SDHA: variants seen among roughly 807,000 people sequenced by gnomAD.
SDHA encodes the protein succinate dehydrogenase complex flavoprotein subunit A.
A neutral mutation model predicts 78.4 loss-of-function variants in SDHA; 48 were observed. That is an observed-to-expected ratio of 0.61 (90% CI 0.49 to 0.78). The LOEUF (loss-of-function observed/expected upper bound fraction) is 0.78. Ranked by LOEUF, SDHA falls within the 30% of genes least tolerant of loss-of-function variation. SDHA has a pLI of 0.00. For synonymous variants in SDHA, 326 were observed against 353.9 expected, an observed-to-expected ratio of 0.92 and a Z score of 0.88; for missense variants, 680 against 892.7, an observed-to-expected ratio of 0.76 and a Z score of 3.04.
At chr5:228,734 A>G (rs1273456477) in intron 6 of SDHA, among the ~76,000 whole-genome samples, 1 of 152,254 alleles carries the variant, frequency 6.6e-6, no homozygotes, top group Non-Finnish European at 1.5e-5. Flanking sequence ...GAAAATAAGT[A>G]ACTTTAATTT....
In SDHA at chr5:251,001, A is replaced by T; in HGVS notation, c.1561A>T (p.Asn521Tyr). The change falls in exon 12 of 15, where the codon AAT becomes TAT. Residue 521 changes from asparagine to tyrosine, a missense_variant. By Grantham distance (143) the Asn-to-Tyr change is moderately radical. Coordinates refer to ENST00000264932, the MANE Select transcript of SDHA (RefSeq NM_004168.4). ...ATATTTTGTGCCACAGTCAATGCAAAATCATGCTGCCGTGTTCCGTGTGGG... is the reference window on the plus strand; with the variant it reads ...ATATTTTGTGCCACAGTCAATGCAATATCATGCTGCCGTGTTCCGTGTGGG... ...LRLSMQKSMQ[N>Y]HAAVFRVGSV... 1.2e-6 allele frequency: 2 copies of T among 1,612,000 alleles called. No individual in the cohort carries two copies. Among genetic ancestry groups the T allele is most frequent in the Non-Finnish European group, 1.7e-6 (2 of 1,179,830 alleles).
chr5:251,452 C>T lies in SDHA; in HGVS notation c.1778C>T (p.Ala593Val), dbSNP rs1736827451. ...CGGAAGGAGTCACGGGGCGCGCATG[C>T]CAGGGAAGACTACAAGGTGGGCCTT... ...EARKESRGAHAREDYKVRIDE... is the reference protein window; with the variant it reads ...EARKESRGAHVREDYKVRIDE... Residue 593 changes from alanine to valine, a missense_variant, in exon 13 of 15, where the codon GCC becomes GTC. Coordinates refer to ENST00000264932, the MANE Select transcript of SDHA (RefSeq NM_004168.4). 3 of 1,613,984 alleles carry T rather than the reference C, an allele frequency of 1.9e-6. No homozygotes were observed. The highest frequency in any genetic ancestry group is 2.5e-6 in the Non-Finnish European group (3 of 1,179,860).
At chr5:255,923 G>C (rs58091468) in intron 14 of SDHA, among the ~76,000 whole-genome samples, 7 of 152,170 alleles carry the variant, frequency 4.6e-5, no homozygotes, top group African/African-American at 1.2e-4. Context: ...CAGAAGCGTT[G>C]TGGATTTCAG....
intron 1 of SDHA, chr5:220,389 CA>C: frequency 2.6e-6 from 1 of 381,730 alleles, no homozygotes. Flanking sequence ...TGTTCTAGGA[CA>C]AATTGATTTC....
chr5:235,531 T>C, intron 9 of SDHA, 192 bp downstream of exon 9: 1 of 651,210 alleles, frequency 1.5e-6, no homozygotes, highest in Admixed American at 2.5e-5. Flanking sequence ...TATTCCTCCT[T>C]AGTAAATTGT....
chr5:245,112 G>T (rs568945216), intron 11 of SDHA, among the ~76,000 whole-genome samples: 10 of 152,298 alleles, frequency 6.6e-5, no homozygotes, highest in African/African-American at 2.4e-4. Context: ...AGGCTTTAGA[G>T]GACTTAGTTA....
At chr5:255,496 G>T (rs1384245608) in intron 14 of SDHA, among the ~76,000 whole-genome samples, 1 of 151,432 alleles carries the variant, frequency 6.6e-6, no homozygotes, top group Non-Finnish European at 1.5e-5. Context: ...CATCTCTGTT[G>T]CCCAGGCTGA....
At chr5:228,121 T>TA in intron 5 of SDHA, 64 bp from the exon 6 acceptor site, 1 of 1,537,374 alleles carries the variant, frequency 6.5e-7, no homozygotes, top group Non-Finnish European at 9.0e-7. Context: ...CATGAGCAGA[T>TA]ACCACCTTAA....
chr5:253,005 T>C (rs1253468023), intron 13 of SDHA: 1 of 152,398 alleles, frequency 6.6e-6, no homozygotes, highest in Admixed American at 6.5e-5. Flanking sequence ...AAAGGTATTA[T>C]AGAGCCTGCC....
At chr5:219,118 C>T (rs964765818) in intron 1 of SDHA, among the ~76,000 whole-genome samples, 4 of 152,254 alleles carry the variant, frequency 2.6e-5, no homozygotes, top group African/African-American at 9.6e-5. Context: ...TGTTTAAAAG[C>T]AGCTGTGCCA....
chr5:220,194 G>A (rs1398866898), intron 1 of SDHA: 5 of 382,666 alleles, frequency 1.3e-5, no homozygotes, highest in Admixed American at 9.3e-5. Flanking sequence ...TTCAAGTGAC[G>A]AACTTATCAG....
At chr5:258,234 CCT>C (rs1191838293), downstream of SDHA, among the ~76,000 whole-genome samples, 25 of 129,130 alleles carry the variant, frequency 1.9e-4, 1 homozygote, top group East Asian at 4.1e-4. Context: ...AGCTCCGCCC[CCT>C]GTCAGAGCAT....
chr5:256,687 C>CT lies in SDHA; in HGVS notation c.*271dup, dbSNP rs749220031. The stretch of plus-strand genomic sequence containing the variant: ...AATAAAATATAAATGAACAAACTTT[C>CT]TTTTATTTCCAAATCCATTTGAAAT... On this transcript the variant is annotated 3_prime_UTR_variant, in exon 15 of 15. Transcript: ENST00000264932. The CT allele has an allele frequency of 1.6e-4, 73 of 453,220 alleles. No homozygotes were observed. Among genetic ancestry groups the CT allele is most frequent in the Non-Finnish European group, 2.7e-4 (68 of 253,888 alleles). 28.1% of individuals were successfully genotyped at this position (453,220 alleles called of 1,614,324 possible).
intron 11 of SDHA, among the ~76,000 whole-genome samples, chr5:245,647 C>G (rs1415726750): frequency 6.6e-6 from 1 of 152,170 alleles, no homozygotes; most frequent in Non-Finnish European, 1.5e-5. Flanking sequence ...AATTATAGCT[C>G]CTAACAAAAT....
chr5:248,041 T>C (rs552271572), intron 11 of SDHA, among the ~76,000 whole-genome samples: 145 of 152,362 alleles, frequency 9.5e-4, no homozygotes, highest in African/African-American at 3.4e-3. Context: ...TATCAGCAGC[T>C]GAACAGCATC....
chr5:247,075 C>T (rs1431674415), intron 11 of SDHA, among the ~76,000 whole-genome samples: 1 of 152,214 alleles, frequency 6.6e-6, no homozygotes, highest in Non-Finnish European at 1.5e-5. Flanking sequence ...AATGTTTTTA[C>T]AGATGGGTCT....
intron 1 of SDHA, 114 bp downstream of exon 1, chr5:218,532 TC>T: frequency 1.2e-6 from 1 of 819,518 alleles, no homozygotes; most frequent in Non-Finnish European, 1.7e-6. Context: ...GCGCCCTCTG[TC>T]CCGGGATCGG....
intron 11 of SDHA, among the ~76,000 whole-genome samples, chr5:244,726 A>G (rs1337904521): frequency 1.3e-5 from 2 of 152,212 alleles, no homozygotes; most frequent in Non-Finnish European, 2.9e-5. Flanking sequence ...GAAGTATATC[A>G]AAGTAGTTAT....
intron 7 of SDHA, 29 bp from the exon 8 acceptor site, chr5:233,448 A>G (rs1735540163): frequency 6.2e-7 from 1 of 1,609,436 alleles, no homozygotes; most frequent in African/African-American, 1.3e-5. Flanking sequence ...AGCAATTGTT[A>G]GGTAATAAAT....
Sources: allele counts gnomAD v4.1 joint callset (sites outside exome capture counted in the v4.1 genomes callset), GRCh38; gene constraint gnomAD v4.1.1; transcripts MANE v1.5; gene names NCBI Gene and HGNC (gene_info 2026-07-23, HGNC 2026-07-21).